Variants in ARHGEF3 observed in about 807,000 individuals in gnomAD.
ARHGEF3 encodes the protein 59.8 kDA protein.
Under a neutral mutation model 63.2 loss-of-function variants are expected in ARHGEF3, and 28 were observed. That is an observed-to-expected ratio of 0.44 (90% CI 0.33 to 0.61). The LOEUF (loss-of-function observed/expected upper bound fraction) is 0.61. Among genes scored for constraint, ARHGEF3 ranks in the 20% least tolerant of loss-of-function variants. The pLI, the probability that ARHGEF3 is intolerant of heterozygous loss-of-function variation, is 0.03. For synonymous variants in ARHGEF3, 266 were observed against 254.2 expected (o/e 1.05, Z -0.44); for missense variants, 533 against 659.3 (o/e 0.81, Z 2.10).
At chr3:56,840,574 G>A (rs185779609) in intron 4 of ARHGEF3, among the ~76,000 whole-genome samples, 23 of 152,282 alleles carry the variant, frequency 1.5e-4, no homozygotes, top group Admixed American at 8.5e-4. Context: ...GCGCAGTGCC[G>A]TGAGTAAGCA....
intron 2 of ARHGEF3, among the ~76,000 whole-genome samples, chr3:56,987,084 T>C (rs577319293): frequency 1.3e-5 from 2 of 152,206 alleles, no homozygotes; most frequent in South Asian, 4.1e-4. Context: ...TGGTGATGCA[T>C]GCCTGTAGTC....
chr3:56,829,852 G>A (rs2038866058), intron 4 of ARHGEF3, among the ~76,000 whole-genome samples: 1 of 152,138 alleles, frequency 6.6e-6, no homozygotes, highest in Admixed American at 6.5e-5. Context: ...CAGTCTCTAA[G>A]GAGGATATCC....
intron 3 of ARHGEF3, among the ~76,000 whole-genome samples, chr3:56,887,830 C>T (rs890703339): frequency 6.6e-6 from 1 of 152,228 alleles, no homozygotes; most frequent in Non-Finnish European, 1.5e-5. Context: ...GATTTCAGCA[C>T]ATAACTTTAA....
chr3:56,974,096 A>G (rs933901218), intron 2 of ARHGEF3, among the ~76,000 whole-genome samples: 2 of 152,104 alleles, frequency 1.3e-5, no homozygotes, highest in African/African-American at 2.4e-5. Flanking sequence ...CAATATATGT[A>G]TATATTGAGC....
At chr3:57,061,149 C>G (rs1307960371) in intron 1 of ARHGEF3, among the ~76,000 whole-genome samples, 1 of 152,140 alleles carries the variant, frequency 6.6e-6, no homozygotes, top group Non-Finnish European at 1.5e-5. Flanking sequence ...CTGCCCCTCT[C>G]CCAGCCCCTA....
At chr3:57,020,761 G>C (rs1703223713) in intron 2 of ARHGEF3, among the ~76,000 whole-genome samples, 1 of 152,216 alleles carries the variant, frequency 6.6e-6, no homozygotes, top group Non-Finnish European at 1.5e-5. Context: ...CCATGCCTGA[G>C]GCTATCTACT....
At chr3:56,790,629 T>C (rs1432238910) in intron 1 of ARHGEF3, among the ~76,000 whole-genome samples, 1 of 152,202 alleles carries the variant, frequency 6.6e-6, no homozygotes, top group Non-Finnish European at 1.5e-5. Flanking sequence ...ATCTTCTCTG[T>C]ATTTGCCTGG....
chr3:56,781,446 C>CGA (rs34021412), intron 1 of ARHGEF3, among the ~76,000 whole-genome samples: 63,956 of 151,498 alleles, frequency 0.42, 14,211 homozygotes, highest in East Asian at 0.66. Flanking sequence ...AGGGTTTCAC[C>CGA]ATGTTGGCCA....
chr3:57,030,802 C>T (rs578119892), intron 2 of ARHGEF3, among the ~76,000 whole-genome samples: 2 of 152,266 alleles, frequency 1.3e-5, no homozygotes, highest in South Asian at 4.1e-4. Context: ...ACTCTTGGGC[C>T]CCTAAAGTGT....
chr3:57,000,469 C>A (rs907935037), intron 2 of ARHGEF3, among the ~76,000 whole-genome samples: 2 of 151,860 alleles, frequency 1.3e-5, no homozygotes, highest in Non-Finnish European at 2.9e-5. Context: ...GTGTCAATCA[C>A]CCCCATTTGT....
rs538078611 is a variant in ARHGEF3 at position 56,977,625 on chromosome 3, G to A, written c.63-18736C>T. Among the ~76,000 whole-genome samples the A allele has an allele frequency of 1.1e-4, 17 of 152,236 alleles. No individual in the cohort carries two copies. The East Asian group carries it at 3.3e-3, about 29-fold the overall frequency. On this transcript the variant is annotated intron_variant, in intron 2 of 12. Coordinates refer to the ARHGEF3 transcript ENST00000338458. ...GCCAATAAATACACAGGCTGACAGG[G>A]AGATGGGGCTCATGGAGAGATGGTG...
At chr3:56,904,760 T>G (rs2041632817) in intron 3 of ARHGEF3, among the ~76,000 whole-genome samples, 1 of 152,120 alleles carries the variant, frequency 6.6e-6, no homozygotes, top group South Asian at 2.1e-4. Flanking sequence ...CCTTGGGGAC[T>G]CCTAGGGCTC....
intron 3 of ARHGEF3, among the ~76,000 whole-genome samples, chr3:56,917,014 C>A (rs2042008292): frequency 6.6e-6 from 1 of 152,206 alleles, no homozygotes; most frequent in Non-Finnish European, 1.5e-5. Flanking sequence ...AACAAGAGGT[C>A]TTCCTGCTCA....
intron 1 of ARHGEF3, among the ~76,000 whole-genome samples, chr3:57,064,728 T>C (rs893571294): frequency 5.3e-5 from 8 of 152,178 alleles, no homozygotes; most frequent in African/African-American, 1.9e-4. Flanking sequence ...ATGAGGTATC[T>C]AGAACAGTCA....
chr3:56,916,807 G>C (rs2108353636), intron 3 of ARHGEF3, among the ~76,000 whole-genome samples: 1 of 152,276 alleles, frequency 6.6e-6, no homozygotes, highest in African/African-American at 2.4e-5. Context: ...CTTCAAAGAG[G>C]AATCAATGAT....
chr3:57,008,869 T>C (rs1579077002), intron 2 of ARHGEF3, among the ~76,000 whole-genome samples: 2 of 152,356 alleles, frequency 1.3e-5, no homozygotes, highest in Admixed American at 1.3e-4. Context: ...GGATTTTCAA[T>C]TCCAGCTCAA....
At chr3:56,827,077 G>A (rs2038742861) in intron 4 of ARHGEF3, among the ~76,000 whole-genome samples, 1 of 151,988 alleles carries the variant, frequency 6.6e-6, no homozygotes, top group Non-Finnish European at 1.5e-5. Flanking sequence ...TCAAAGTCCG[G>A]AAGCCAGAAA....
intron 7 of ARHGEF3, among the ~76,000 whole-genome samples, chr3:56,742,539 A>G (rs1247709734): frequency 6.6e-6 from 1 of 152,164 alleles, no homozygotes; most frequent in Non-Finnish European, 1.5e-5. Flanking sequence ...TATTCATGGG[A>G]TATTTGTCAA....
chr3:56,976,300 C>T (rs914310757), intron 2 of ARHGEF3, among the ~76,000 whole-genome samples: 23 of 152,188 alleles, frequency 1.5e-4, no homozygotes, highest in African/African-American at 4.8e-4. Context: ...GCCTCGGCCT[C>T]CCAGAGTGCT....
Sources: allele counts gnomAD v4.1 joint callset (sites outside exome capture counted in the v4.1 genomes callset), GRCh38; gene constraint gnomAD v4.1.1; transcripts MANE v1.5; gene names NCBI Gene and HGNC (gene_info 2026-07-23, HGNC 2026-07-21).